Variants in RALGPS1 observed in about 807,000 individuals in gnomAD.
RALGPS1 encodes the protein Ral GEF with PH domain and SH3 binding motif 1, also known as ras-specific guanine nucleotide-releasing factor RalGPS1.
RALGPS1 carries 19 observed loss-of-function variants against 78.8 expected under a neutral mutation model. The ratio of observed to expected loss-of-function variants is 0.24; its 90% CI spans 0.17 to 0.35. The LOEUF is 0.35. Ranked by LOEUF, RALGPS1 falls within the 10% of genes least tolerant of loss-of-function variation. The pLI, the probability that RALGPS1 is intolerant of heterozygous loss-of-function variation, is 1.00. For synonymous variants in RALGPS1, 228 were observed against 256.3 expected, an observed-to-expected ratio of 0.89 and a Z score of 1.06; for missense variants, 454 against 688.3, an observed-to-expected ratio of 0.66 and a Z score of 3.81.
chr9:127,111,143 T>C (rs183180929), intron 8 of RALGPS1, among the ~76,000 whole-genome samples: 117 of 152,298 alleles, frequency 7.7e-4, no homozygotes, highest in African/African-American at 2.7e-3. Flanking sequence ...TTTGGTTGTC[T>C]GTCAAGTGTT....
chr9:127,154,842 T>C (rs1038223428), intron 8 of RALGPS1, among the ~76,000 whole-genome samples: 10 of 152,188 alleles, frequency 6.6e-5, no homozygotes, highest in African/African-American at 2.4e-4. Context: ...GGGATCCTGG[T>C]GGCCTCGGAC....
intron 8 of RALGPS1, among the ~76,000 whole-genome samples, chr9:127,101,399 G>T (rs1333566416): frequency 6.6e-6 from 1 of 152,188 alleles, no homozygotes; most frequent in East Asian, 1.9e-4. Context: ...CCATAAGACT[G>T]TGGGCTCCTT....
intron 7 of RALGPS1, among the ~76,000 whole-genome samples, chr9:127,055,527 T>G (rs1338195420): frequency 4.6e-5 from 7 of 152,336 alleles, no homozygotes; most frequent in African/African-American, 1.7e-4. Flanking sequence ...CCCTAAACAC[T>G]TTACATATAT....
chr9:127,137,190 G>A (rs936929660), intron 8 of RALGPS1, among the ~76,000 whole-genome samples: 2 of 152,306 alleles, frequency 1.3e-5, no homozygotes, highest in Non-Finnish European at 2.9e-5. Flanking sequence ...GTAGAGAAGG[G>A]CATGCAACCC....
chr9:126,969,580 GCTT>G (rs1210883782), intron 3 of RALGPS1, among the ~76,000 whole-genome samples: 2 of 152,218 alleles, frequency 1.3e-5, no homozygotes, highest in African/African-American at 4.8e-5. Context: ...CAGTGGCCTA[GCTT>G]CTATGTTCTA....
chr9:127,137,312 G>T (rs1165346889), intron 8 of RALGPS1, among the ~76,000 whole-genome samples: 2 of 152,196 alleles, frequency 1.3e-5, no homozygotes, highest in East Asian at 3.8e-4. Flanking sequence ...TCCTTGTCTG[G>T]ATTGTTTGGT....
chr9:127,046,989 T>TAA (rs34433419), intron 5 of RALGPS1, among the ~76,000 whole-genome samples: 56,483 of 147,388 alleles, frequency 0.38, 12,116 homozygotes, highest in Non-Finnish European at 0.48. Context: ...TCGAATTAGT[T>TAA]AAAAAAAAAA....
chr9:127,177,048 A>G (rs980667521), intron 11 of RALGPS1, among the ~76,000 whole-genome samples: 1 of 152,114 alleles, frequency 6.6e-6, no homozygotes, highest in African/African-American at 2.4e-5. Context: ...TATGGCACTC[A>G]CCACAACTTG....
At chr9:127,021,122 A>G (rs1013500944) in intron 4 of RALGPS1, among the ~76,000 whole-genome samples, 1 of 152,206 alleles carries the variant, frequency 6.6e-6, no homozygotes, top group Admixed American at 6.5e-5. Context: ...GGCCAGGCCC[A>G]TCTGCCTATA....
chr9:127,021,523 T>C (rs1212144742), intron 4 of RALGPS1, among the ~76,000 whole-genome samples: 1 of 150,200 alleles, frequency 6.7e-6, no homozygotes, highest in Non-Finnish European at 1.5e-5. Flanking sequence ...GGCATTCAGA[T>C]TTTTAAAAAA....
intron 1 of RALGPS1, among the ~76,000 whole-genome samples, chr9:126,960,969 C>T (rs1005679651): frequency 2.6e-5 from 4 of 152,072 alleles, no homozygotes; most frequent in South Asian, 4.2e-4. Context: ...ACTTGACTGC[C>T]GCAGCCTCAG....
At chr9:126,972,711 G>C (rs2040234594) in intron 3 of RALGPS1, among the ~76,000 whole-genome samples, 1 of 152,196 alleles carries the variant, frequency 6.6e-6, no homozygotes, top group Non-Finnish European at 1.5e-5. Flanking sequence ...TTCTTCAGCA[G>C]ATGTATTACA....
chr9:127,155,065 T>TA, intron 8 of RALGPS1, among the ~76,000 whole-genome samples: 1 of 152,248 alleles, frequency 6.6e-6, no homozygotes, highest in African/African-American at 2.4e-5. Context: ...GAAATATGAG[T>TA]ATTTAGCTTG....
Position 127,115,220 on chromosome 9 carries a change from G to A in RALGPS1, c.610+45864G>A, listed in dbSNP as rs185206077. On this transcript the variant is annotated intron_variant, in intron 8 of 18. Coordinates refer to ENST00000259351, the MANE Select transcript of RALGPS1 (RefSeq NM_014636.3). Reference sequence around the variant, plus strand: ...TATTATTATTTTGAGATGGAGTTTCGCTCTTGTCACCCAGGCTGGAGTGCA... The same window carrying A: ...TATTATTATTTTGAGATGGAGTTTCACTCTTGTCACCCAGGCTGGAGTGCA... Among the ~76,000 whole-genome samples, 6 of 151,886 alleles carry A rather than the reference G, an allele frequency of 4.0e-5. No homozygotes were observed. In the East Asian group the frequency reaches 5.8e-4, roughly 15 times the overall value.
chr9:127,030,856 T>G (rs568848783), intron 4 of RALGPS1, among the ~76,000 whole-genome samples: 26 of 152,194 alleles, frequency 1.7e-4, no homozygotes, highest in Middle Eastern at 3.4e-3. Flanking sequence ...CAAGGACATT[T>G]AAGTTTGGTG....
At chr9:127,161,017 GC>G (rs2058988845) in intron 8 of RALGPS1, among the ~76,000 whole-genome samples, 1 of 152,230 alleles carries the variant, frequency 6.6e-6, no homozygotes, top group Non-Finnish European at 1.5e-5. Flanking sequence ...GCACTGTCCA[GC>G]CCCAAGGCAG....
intron 8 of RALGPS1, among the ~76,000 whole-genome samples, chr9:127,071,901 G>C (rs1366315643): frequency 1.3e-5 from 2 of 152,130 alleles, no homozygotes; most frequent in Non-Finnish European, 2.9e-5. Flanking sequence ...CCATCACCAT[G>C]ATCAGTTTTA....
At chr9:126,931,184 A>C (rs1158150247) in intron 1 of RALGPS1, among the ~76,000 whole-genome samples, 1 of 152,224 alleles carries the variant, frequency 6.6e-6, no homozygotes, top group East Asian at 1.9e-4. Context: ...ATTCGGCACG[A>C]TACCGCTTAC....
At position 126,959,053 on chromosome 9, in the gene RALGPS1, ATCT is replaced by A. The variant is rs201018599; in HGVS notation, c.-65-3161_-65-3159del. Among the ~76,000 whole-genome samples the A allele has an allele frequency of 5.7e-3, 826 of 145,572 alleles. 21 individuals are homozygous for A. The East Asian group carries it at 0.08, about 14-fold the overall frequency. The stretch of plus-strand genomic sequence containing the variant: ...CATTTCTCTTGTTAGCCATTCATGT[ATCT>A]TCTTCTTCTTTTTTTTTTTTTTTTG... On this transcript the variant is annotated intron_variant, in intron 1 of 18. Transcript: ENST00000259351.
Sources: gnomAD v4.1 joint callset for allele counts (sites outside exome capture counted in the v4.1 genomes callset) on GRCh38, gnomAD v4.1.1 for gene constraint, MANE v1.5 for transcripts, NCBI Gene and HGNC (gene_info 2026-07-23, HGNC 2026-07-21) for gene names.